The following HSP90B1 variants were observed in gnomAD, a reference collection of about 807,000 sequenced individuals.
The protein encoded by HSP90B1 is heat shock protein 90 beta family member 1, also known as endoplasmin.
A neutral mutation model predicts 100.4 loss-of-function variants in HSP90B1; 27 were observed. That is an observed-to-expected ratio of 0.27 (90% CI 0.20 to 0.37). The LOEUF is 0.37. Ranked by LOEUF, HSP90B1 falls within the 10% of genes least tolerant of loss-of-function variation. The pLI, the probability that HSP90B1 is intolerant of heterozygous loss-of-function variation, is 1.00. For missense variants in HSP90B1, 678 were observed against 960.5 expected (o/e 0.71, Z 3.89); for synonymous variants, 304 against 330.8 (o/e 0.92, Z 0.88).
Position 103,937,719 on chromosome 12 carries a change from T to A in HSP90B1, c.768T>A (p.Ser256=), listed in dbSNP as rs916562633. 3.8e-6 allele frequency: 6 copies of A among 1,591,974 alleles called. No individual in the cohort carries two copies. In the Admixed American group the frequency reaches 1.0e-4, roughly 27 times the overall value. The part of the protein sequence containing the change: ...TITLVLKEEA[S]DYLELDTIKN... ...GCCTTGTCTTAAAAGAAGAAGCATC[T>A]GATTACCTTGAATTGGATACAATTA... is the stretch of plus-strand genomic sequence containing the variant. The change falls in exon 6 of 18, where the codon TCT becomes TCA. Residue 256 remains serine (S), a synonymous_variant. Transcript: ENST00000299767.
intron 5 of HSP90B1, 94 bp from the exon 6 acceptor site, chr12:103,937,601 A>C: frequency 1.4e-6 from 1 of 694,594 alleles, no homozygotes; most frequent in South Asian, 1.6e-5. Context: ...CTTGGATTAT[A>C]CTGAACTGCT....
Position 103,930,553 on chromosome 12 carries a change from T to A in HSP90B1, c.38T>A (p.Leu13Gln). ...ALWVLGLCCV[L>Q]LTFGSVRADD... ...TGGGTGCTGGGCCTCTGCTGCGTCC[T>A]GCTGACCTTCGGTGAGTGATTCTGG... The change falls in exon 1 of 18, where the codon CTG becomes CAG. Residue 13 changes from leucine to glutamine, a missense_variant. Transcript: ENST00000299767. The surrounding 1 kb of genome is among the most constrained non-coding windows in gnomAD (Gnocchi z 4.4). 1 of 1,610,262 alleles carries A rather than the reference T, an allele frequency of 6.2e-7. No homozygotes were observed. Among genetic ancestry groups the A allele is most frequent in the Non-Finnish European group, 8.5e-7 (1 of 1,178,682 alleles).
At position 103,939,597 on chromosome 12, in the gene HSP90B1, A is replaced by G; in HGVS notation, c.1064A>G (p.Tyr355Cys). Residue 355 changes from tyrosine to cysteine, a missense_variant, in exon 8 of 18, where the codon TAC becomes TGC. Coordinates refer to ENST00000299767, the MANE Select transcript of HSP90B1 (RefSeq NM_003299.3). ...RPSKEVEEDE[Y>C]KAFYKSFSKE... is the part of the protein sequence containing the mutation. ...TCAAAAGAAGTAGAAGAAGATGAAT[A>G]CAAAGCTTTCTACAAATCATTTTCA... The G allele has an allele frequency of 6.5e-7, 1 of 1,545,520 alleles. No individual in the cohort carries two copies. Among genetic ancestry groups the G allele is most frequent in the South Asian group, 1.2e-5 (1 of 84,780 alleles).
chr12:103,942,903 G>C lies in HSP90B1; in HGVS notation c.1644+107G>C, dbSNP rs1263679835. 5 of 1,448,634 alleles carry C rather than the reference G, an allele frequency of 3.5e-6. No homozygotes were observed. In the African/African-American group the frequency reaches 7.1e-5, roughly 21 times the overall value. 89.7% of individuals were successfully genotyped at this position (1,448,634 alleles called of 1,614,324 possible). On this transcript the variant is annotated intron_variant, in intron 12 of 17. Coordinates refer to ENST00000299767, the MANE Select transcript of HSP90B1 (RefSeq NM_003299.3). ...AAAACTTAATTGTGTAACTGGAGTA[G>C]TTATAAGGCCTGGTCAGTCACTGAC... is the stretch of plus-strand genomic sequence containing the variant.
chr12:103,944,805 C>T (rs756229512), intron 14 of HSP90B1, among the ~76,000 whole-genome samples: 10 of 152,364 alleles, frequency 6.6e-5, no homozygotes, highest in African/African-American at 1.4e-4. Flanking sequence ...CCGCCCTCTG[C>T]GGCCTCCCAA....
rs1489117604 is a variant in HSP90B1 at position 103,947,304 on chromosome 12, T to G, written c.2263-7T>G. The G allele has an allele frequency of 6.3e-7, 1 of 1,582,016 alleles. No homozygotes were observed. Among genetic ancestry groups the G allele is most frequent in the Non-Finnish European group, 8.6e-7 (1 of 1,169,472 alleles). On this transcript the variant is annotated splice_region_variant and splice_polypyrimidine_tract_variant and intron_variant, in intron 16 of 17. Coordinates refer to ENST00000299767, the MANE Select transcript of HSP90B1 (RefSeq NM_003299.3). The stretch of plus-strand genomic sequence containing the variant: ...GGCATTAATGGGCCCATAAATGTTG[T>G]GTTTAGGTGGAAGAAGAGCCCGAAG...
At chr12:103,947,057 C>G (rs1870257002) in intron 16 of HSP90B1, 116 bp downstream of exon 16, 9 of 1,212,902 alleles carry the variant, frequency 7.4e-6, no homozygotes, top group Non-Finnish European at 1.0e-5. Flanking sequence ...TAATTTCTAC[C>G]TTTTGAAAGA....
chr12:103,936,601 C>T (rs1258909388), intron 5 of HSP90B1, among the ~76,000 whole-genome samples: 1 of 144,096 alleles, frequency 6.9e-6, no homozygotes. Context: ...GAGCCATCAT[C>T]ACGCCTGGGT....
chr12:103,945,275 C>G (rs1240609870), intron 14 of HSP90B1, among the ~76,000 whole-genome samples: 2 of 152,080 alleles, frequency 1.3e-5, no homozygotes, highest in Admixed American at 1.3e-4. Context: ...CACTCTAGCT[C>G]TAGCCTGGGT....
intron 5 of HSP90B1, 150 bp downstream of exon 5, chr12:103,934,437 G>A (rs988659304): frequency 1.4e-6 from 1 of 701,384 alleles, no homozygotes. Flanking sequence ...TTGAAGAAAT[G>A]TTTGAGGACC....
At chr12:103,933,003 C>T (rs559525297) in intron 4 of HSP90B1, 61 bp downstream of exon 4, 5 of 880,408 alleles carry the variant, frequency 5.7e-6, no homozygotes, top group South Asian at 4.1e-5. Context: ...GGTAGAGGAT[C>T]CCTATCAGTC....
rs569176796 is a variant in HSP90B1, at chr12:103,946,531, T to G, written c.2028-87T>G. On this transcript the variant is annotated intron_variant, in intron 14 of 17. Coordinates refer to ENST00000299767, the MANE Select transcript of HSP90B1 (RefSeq NM_003299.3). Reference sequence around the variant, plus strand: ...GATTTTTTTTTTTTACCAAGAGTTGTTCTGTGTAATTATGAAAGAATAAGG... The same window carrying G: ...GATTTTTTTTTTTTACCAAGAGTTGGTCTGTGTAATTATGAAAGAATAAGG... The G allele has an allele frequency of 3.3e-5, 31 of 937,354 alleles. No homozygotes were observed. In the East Asian group the frequency reaches 7.4e-4, roughly 22 times the overall value. 58.1% of individuals were successfully genotyped at this position (937,354 alleles called of 1,614,324 possible).
chr12:103,947,302 T>G lies in HSP90B1; in HGVS notation c.2263-9T>G. ...AAGGCATTAATGGGCCCATAAATGTTGTGTTTAGGTGGAAGAAGAGCCCGA... is the reference window on the plus strand; with the variant it reads ...AAGGCATTAATGGGCCCATAAATGTGGTGTTTAGGTGGAAGAAGAGCCCGA... On this transcript the variant is annotated splice_polypyrimidine_tract_variant and intron_variant, in intron 16 of 17. Transcript: ENST00000299767. 2 of 1,578,178 alleles carry G rather than the reference T, an allele frequency of 1.3e-6. No individual in the cohort carries two copies. Among genetic ancestry groups the G allele is most frequent in the Non-Finnish European group, 1.7e-6 (2 of 1,168,068 alleles).
chr12:103,943,410 T>A lies in HSP90B1; in HGVS notation c.1890+91T>A. ...ACAAATTAAGCTGCAGCTGGTTACT[T>A]TGTAACCATTAGAATGGTAAAAATT... On this transcript the variant is annotated intron_variant, in intron 13 of 17. Transcript: ENST00000299767. This position sits in a 1 kb window ranked among gnomAD's most constrained non-coding sequence, Gnocchi z 5.3. 3 of 1,228,788 alleles carry A rather than the reference T, an allele frequency of 2.4e-6. No individual in the cohort carries two copies. The highest frequency in any genetic ancestry group is 3.5e-6 in the Non-Finnish European group (3 of 856,016). The allele number at this position is 1,228,788 out of a possible 1,614,324, so 76.1% of individuals were successfully genotyped here.
chr12:103,946,506 G>T (rs1335909467), intron 14 of HSP90B1, 112 bp from the exon 15 acceptor site: 8 of 758,840 alleles, frequency 1.1e-5, no homozygotes, highest in African/African-American at 1.8e-5. Flanking sequence ...AGTACATTTT[G>T]ATTTTTTTTT....
intron 14 of HSP90B1, 113 bp from the exon 15 acceptor site, chr12:103,946,505 T>A: frequency 1.3e-6 from 1 of 770,846 alleles, no homozygotes; most frequent in South Asian, 1.7e-5. Context: ...TAGTACATTT[T>A]GATTTTTTTT....
At chr12:103,933,244 G>A (rs1388728634) in intron 4 of HSP90B1, among the ~76,000 whole-genome samples, 2 of 152,202 alleles carry the variant, frequency 1.3e-5, no homozygotes, top group Admixed American at 1.3e-4. Context: ...TTACTGTGTG[G>A]CCCTTTACAG....
chr12:103,941,592 T>C, intron 9 of HSP90B1, 37 bp from the exon 10 acceptor site: 1 of 1,613,870 alleles, frequency 6.2e-7, no homozygotes, highest in Non-Finnish European at 8.5e-7. Context: ...TTTGAAAGTT[T>C]AATTTCCAGA....
chr12:103,943,305 G>A lies in HSP90B1; in HGVS notation c.1876G>A (p.Ala626Thr). The change falls in exon 13 of 18, where the codon GCC becomes ACC. Residue 626 changes from alanine to threonine, a missense_variant. This residue lies in a region of HSP90B1 where 170 missense variants were observed against 236.7 expected (regional missense o/e 0.72). Transcript: ENST00000299767. The surrounding 1 kb of genome is among the most constrained non-coding windows in gnomAD (Gnocchi z 5.3). ...TCTGCTGAATTGGATGAAAGATAAAGCCCTTAAGGACAAGGTACTGTGGAA... is the reference window on the plus strand; with the variant it reads ...TCTGCTGAATTGGATGAAAGATAAAACCCTTAAGGACAAGGTACTGTGGAA... Reference protein sequence around the residue: ...EPLLNWMKDKALKDKIEKAVV... With the variant: ...EPLLNWMKDKTLKDKIEKAVV... 9 of 1,613,972 alleles carry A rather than the reference G, an allele frequency of 5.6e-6. No homozygotes were observed. The highest frequency in any genetic ancestry group is 5.9e-6 in the Non-Finnish European group (7 of 1,179,886).
Sources: allele counts gnomAD v4.1 joint callset (sites outside exome capture counted in the v4.1 genomes callset), GRCh38; gene constraint gnomAD v4.1.1; regional missense constraint gnomAD v4.1.1; non-coding constraint Gnocchi (gnomAD v3.1); transcripts MANE v1.5; gene names NCBI Gene and HGNC (gene_info 2026-07-23, HGNC 2026-07-21).